The following CSMD3 variants were observed in gnomAD, a reference collection of about 807,000 sequenced individuals.
CSMD3 encodes CUB and Sushi multiple domains 3.
CSMD3 carries 177 observed loss-of-function variants against 435.2 expected under a neutral mutation model. The ratio of observed to expected loss-of-function variants is 0.41; its 90% confidence interval spans 0.36 to 0.46. The LOEUF (loss-of-function observed/expected upper bound fraction) is 0.46. Among genes scored for constraint, CSMD3 ranks in the 20% least tolerant of loss-of-function variants. CSMD3 has a pLI of 0.34. For missense variants in CSMD3, 4,265 were observed against 4,504.6 expected (o/e 0.95, Z 1.52); for synonymous variants, 1,656 against 1,520.5 (o/e 1.09, Z -2.07).
chr8:112,961,905 G>T (rs1379295822), intron 7 of CSMD3, among the ~76,000 whole-genome samples: 1 of 151,866 alleles, frequency 6.6e-6, no homozygotes, highest in Non-Finnish European at 1.5e-5. Flanking sequence ...GCTGTAAAAT[G>T]TCAGGATTAT....
At chr8:113,347,108 T>TAATA (rs949827945) in intron 1 of CSMD3, among the ~76,000 whole-genome samples, 46 of 152,100 alleles carry the variant, frequency 3.0e-4, no homozygotes, top group East Asian at 7.7e-4. Flanking sequence ...ACATGTCTAT[T>TAATA]AATAAATAAA....
At chr8:112,344,649 T>C (rs1225486846) in intron 41 of CSMD3, among the ~76,000 whole-genome samples, 1 of 152,108 alleles carries the variant, frequency 6.6e-6, no homozygotes, top group Non-Finnish European at 1.5e-5. Flanking sequence ...TTAATGAACA[T>C]GTGTACCCTC....
chr8:112,364,079 T>G (rs915648584), intron 38 of CSMD3, among the ~76,000 whole-genome samples: 2 of 152,016 alleles, frequency 1.3e-5, no homozygotes, highest in Non-Finnish European at 2.9e-5. Flanking sequence ...CATTAAGAAC[T>G]AATGCATTAT....
intron 15 of CSMD3, among the ~76,000 whole-genome samples, chr8:112,684,826 C>T (rs981620054): frequency 6.6e-6 from 1 of 152,126 alleles, no homozygotes; most frequent in South Asian, 2.1e-4. Flanking sequence ...ACATGCATCA[C>T]CTAATTTATT....
intron 1 of CSMD3, among the ~76,000 whole-genome samples, chr8:113,384,876 C>G (rs1188172932): frequency 6.6e-6 from 1 of 152,084 alleles, no homozygotes; most frequent in Non-Finnish European, 1.5e-5. Flanking sequence ...TTTGCAGAGT[C>G]CCAGCCTGGG....
intron 27 of CSMD3, among the ~76,000 whole-genome samples, chr8:112,541,470 A>T (rs1360681829): frequency 6.6e-6 from 1 of 151,836 alleles, no homozygotes; most frequent in Admixed American, 6.6e-5. Flanking sequence ...TATATTGAAC[A>T]ATTATATGAT....
chr8:112,806,543 G>A, intron 12 of CSMD3, among the ~76,000 whole-genome samples: 1 of 152,162 alleles, frequency 6.6e-6, no homozygotes, highest in East Asian at 1.9e-4. Context: ...GACTAGTTAA[G>A]AACAAGCATT....
chr8:112,319,138 C>T (rs1822750517), intron 46 of CSMD3, among the ~76,000 whole-genome samples, 188 bp from the exon 47 acceptor site: 1 of 152,044 alleles, frequency 6.6e-6, no homozygotes, highest in African/African-American at 2.4e-5. Context: ...ATTGACCCAT[C>T]AGGACTGAAG....
intron 9 of CSMD3, among the ~76,000 whole-genome samples, chr8:112,944,287 T>G (rs971347417): frequency 6.6e-6 from 1 of 151,678 alleles, no homozygotes; most frequent in African/African-American, 2.4e-5. Flanking sequence ...GCAGCATCTC[T>G]TCTCCACTTC....
intron 13 of CSMD3, among the ~76,000 whole-genome samples, chr8:112,718,147 T>A (rs1253818601): frequency 6.6e-6 from 1 of 152,134 alleles, no homozygotes; most frequent in African/African-American, 2.4e-5. Flanking sequence ...TTTCTTTGCA[T>A]AATCCTCAGG....
At chr8:112,653,549 C>T (rs1307271147) in intron 18 of CSMD3, among the ~76,000 whole-genome samples, 3 of 151,626 alleles carry the variant, frequency 2.0e-5, no homozygotes, top group Non-Finnish European at 2.9e-5. Context: ...AATAAACAGA[C>T]GTGATTTTTT....
chr8:112,377,703 A>C (rs746507289), intron 38 of CSMD3, among the ~76,000 whole-genome samples: 7 of 152,170 alleles, frequency 4.6e-5, no homozygotes, highest in Non-Finnish European at 8.8e-5. Flanking sequence ...TATAGAAATC[A>C]ATAAATGTGA....
chr8:113,363,068 G>T (rs1187842941), intron 1 of CSMD3, among the ~76,000 whole-genome samples: 1 of 152,146 alleles, frequency 6.6e-6, no homozygotes, highest in African/African-American at 2.4e-5. Flanking sequence ...CTCAATGTGT[G>T]TGTAAACATC....
intron 58 of CSMD3, 105 bp from the exon 59 acceptor site, chr8:112,281,455 TA>T (rs1454070554): frequency 1.2e-6 from 1 of 862,650 alleles, no homozygotes; most frequent in Non-Finnish European, 1.9e-6. Context: ...AAAGAAGCAA[TA>T]AAAACTTCTA....
intron 13 of CSMD3, among the ~76,000 whole-genome samples, chr8:112,779,939 C>G (rs182480151): frequency 6.6e-6 from 1 of 151,938 alleles, no homozygotes; most frequent in East Asian, 1.9e-4. Context: ...ATAAGGAATA[C>G]CATTTTACTA....
intron 22 of CSMD3, among the ~76,000 whole-genome samples, chr8:112,625,727 G>C (rs1834425505): frequency 6.6e-6 from 1 of 152,002 alleles, no homozygotes; most frequent in Non-Finnish European, 1.5e-5. Context: ...GTAGAAAAAT[G>C]GTTTATAGCC....
At chr8:113,371,004 C>G (rs778289069) in intron 1 of CSMD3, among the ~76,000 whole-genome samples, 1 of 152,044 alleles carries the variant, frequency 6.6e-6, no homozygotes, top group Non-Finnish European at 1.5e-5. Context: ...CATGAAGTTA[C>G]AATTGTCTTA....
At chr8:112,551,378 G>T (rs1329721052) in intron 26 of CSMD3, among the ~76,000 whole-genome samples, 4 of 151,986 alleles carry the variant, frequency 2.6e-5, no homozygotes, top group African/African-American at 4.8e-5. Flanking sequence ...ACATGCTTTT[G>T]CCACGTTTCA....
chr8:113,377,232 G>A (rs983146977), intron 1 of CSMD3: 2 of 846,138 alleles, frequency 2.4e-6, no homozygotes, highest in East Asian at 6.3e-5. Context: ...AGGGCCAGCC[G>A]AGGATACAAA....
Sources: allele counts gnomAD v4.1 joint callset (sites outside exome capture counted in the v4.1 genomes callset), GRCh38; gene constraint gnomAD v4.1.1; transcripts MANE v1.5; gene names NCBI Gene and HGNC (gene_info 2026-07-23, HGNC 2026-07-21).